LMAN1: variants seen among roughly 807,000 people sequenced by gnomAD.
The protein encoded by LMAN1 is lectin, mannose binding 1, also known as protein ERGIC-53.
A neutral mutation model predicts 67.8 loss-of-function variants in LMAN1; 32 were observed. The ratio of observed to expected loss-of-function variants is 0.47; its 90% CI spans 0.36 to 0.63. The LOEUF (loss-of-function observed/expected upper bound fraction) is 0.63, where lower values mean the gene tolerates loss of function less well. Ranked by LOEUF, LMAN1 falls within the 30% of genes least tolerant of loss-of-function variation. LMAN1 has a pLI of 0.00. For missense variants in LMAN1, 632 were observed against 628.2 expected, an observed-to-expected ratio of 1.01 and a Z score of -0.06; for synonymous variants, 235 against 219.3, an observed-to-expected ratio of 1.07 and a Z score of -0.63.
chr18:59,353,266 C>G lies in LMAN1; in HGVS notation c.575G>C (p.Arg192Thr). ...GASQALASCQ[R>T]DFRNKPYPVR... ...AGGATAGGGTTTGTTGCGGAAGTCC[C>G]TCTGGCAACTTGCCAAAGCTTGACT... The change falls in exon 5 of 13, where the codon AGG becomes ACG. Residue 192 changes from arginine to threonine, a missense_variant. Arg to Thr is a moderately conservative substitution (Grantham distance 71). Coordinates refer to ENST00000251047, the MANE Select transcript of LMAN1 (RefSeq NM_005570.4). 6.2e-7 allele frequency: 1 copy of G among 1,614,088 alleles called. No individual in the cohort carries two copies. Among genetic ancestry groups the G allele is most frequent in the Non-Finnish European group, 8.5e-7 (1 of 1,179,984 alleles).
Position 59,347,557 on chromosome 18 carries a change from G to A in LMAN1, c.778C>T (p.Leu260Phe). ...TGGLADDHDV[L>F]SFLTFQLTEP... is the part of the protein sequence containing the mutation. The stretch of plus-strand genomic sequence containing the variant: ...GTCAACTGGAAAGTCAGAAAAGAAA[G>A]GACATCATGGTCATCTACAAATTAA... The change falls in exon 7 of 13, where the codon CTT (leucine) becomes TTT (phenylalanine). Residue 260 changes from leucine (L) to phenylalanine (F), a missense_variant. Coordinates refer to ENST00000251047, the MANE Select transcript of LMAN1 (RefSeq NM_005570.4). 3 of 1,605,924 alleles carry A rather than the reference G, an allele frequency of 1.9e-6. No individual in the cohort carries two copies. The highest frequency in any genetic ancestry group is 1.7e-6 in the Non-Finnish European group (2 of 1,175,566).
Position 59,347,590 on chromosome 18 carries a change from A to T in LMAN1, c.764-19T>A. The T allele has an allele frequency of 6.6e-7, 1 of 1,508,066 alleles. No individual in the cohort carries two copies. Among genetic ancestry groups the T allele is most frequent in the East Asian group, 2.3e-5 (1 of 44,254 alleles). The allele number at this position is 1,508,066 out of a possible 1,614,324, so 93.4% of individuals were successfully genotyped here. On this transcript the variant is annotated intron_variant, in intron 6 of 12. Coordinates refer to ENST00000251047, the MANE Select transcript of LMAN1 (RefSeq NM_005570.4). Reference sequence around the variant, plus strand: ...TGGTCATCTACAAATTAAAAAAAAAAAAGTCTGAAAAAGTTCCATAGGAGA... The same window carrying T: ...TGGTCATCTACAAATTAAAAAAAAATAAGTCTGAAAAAGTTCCATAGGAGA...
At chr18:59,349,348 T>C in intron 5 of LMAN1, 112 bp from the exon 6 acceptor site, 1 of 986,206 alleles carries the variant, frequency 1.0e-6, no homozygotes, top group Non-Finnish European at 1.6e-6. Flanking sequence ...TAAAGAGTAA[T>C]TTTAAATAAC....
At chr18:59,344,316 T>A (rs1198675214) in intron 8 of LMAN1, among the ~76,000 whole-genome samples, 1 of 152,172 alleles carries the variant, frequency 6.6e-6, no homozygotes, top group Non-Finnish European at 1.5e-5. Context: ...AAAGAAATCA[T>A]TATATCAAAA....
intron 8 of LMAN1, among the ~76,000 whole-genome samples, chr18:59,344,980 T>C (rs1021077811): frequency 6.6e-6 from 1 of 152,206 alleles, no homozygotes. Flanking sequence ...AAATGTTCCG[T>C]GTACTGATCG....
At chr18:59,344,109 C>G (rs1225412474) in intron 8 of LMAN1, among the ~76,000 whole-genome samples, 1 of 152,070 alleles carries the variant, frequency 6.6e-6, no homozygotes, top group Non-Finnish European at 1.5e-5. Context: ...TTACACAAGT[C>G]ACAATGGCCA....
chr18:59,354,441 C>A, intron 4 of LMAN1, 78 bp downstream of exon 4: 2 of 821,648 alleles, frequency 2.4e-6, no homozygotes, highest in Admixed American at 1.9e-5. Context: ...GGAAGGTGTT[C>A]AGATTTGAAA....
At chr18:59,331,308 T>G in intron 12 of LMAN1, 110 bp downstream of exon 12, 1 of 1,231,236 alleles carries the variant, frequency 8.1e-7, no homozygotes, top group South Asian at 1.3e-5. Context: ...ACAATAAACT[T>G]AATTTTATAG....
intron 5 of LMAN1, among the ~76,000 whole-genome samples, chr18:59,352,329 G>A (rs1908561664): frequency 6.6e-6 from 1 of 152,150 alleles, no homozygotes; most frequent in South Asian, 2.1e-4. Flanking sequence ...CTCAACAACT[G>A]TGTTCACCCC....
Position 59,333,253 on chromosome 18 carries a change from G to T in LMAN1, c.1221-9C>A. ...TTTCACTCATGGAATTTCTGAAACA[G>T]AAAGTCTCTTGATACAATAAAATCA... On this transcript the variant is annotated splice_polypyrimidine_tract_variant and intron_variant, in intron 10 of 12. Coordinates refer to ENST00000251047, the MANE Select transcript of LMAN1 (RefSeq NM_005570.4). The T allele has an allele frequency of 6.2e-7, 1 of 1,611,142 alleles. No individual in the cohort carries two copies. Among genetic ancestry groups the T allele is most frequent in the Non-Finnish European group, 8.5e-7 (1 of 1,178,282 alleles).
At chr18:59,334,829 T>C (rs530158272) in intron 10 of LMAN1, among the ~76,000 whole-genome samples, 3 of 152,142 alleles carry the variant, frequency 2.0e-5, no homozygotes, top group South Asian at 2.1e-4. Flanking sequence ...GCAAATATTT[T>C]CTATCTCTTT....
intron 4 of LMAN1, among the ~76,000 whole-genome samples, chr18:59,354,040 G>A (rs1017825032): frequency 3.3e-5 from 5 of 152,026 alleles, no homozygotes; most frequent in East Asian, 3.9e-4. Flanking sequence ...CCACAGATAC[G>A]GAACCCACAA....
chr18:59,350,392 T>C (rs1908514040), intron 5 of LMAN1, among the ~76,000 whole-genome samples: 1 of 152,226 alleles, frequency 6.6e-6, no homozygotes, highest in Non-Finnish European at 1.5e-5. Flanking sequence ...TACATTCAAA[T>C]TACAATACTA....
rs1284839318 is a variant in LMAN1, at chr18:59,359,136, G to A, written c.109C>T (p.Pro37Ser). The A allele has an allele frequency of 1.9e-6, 3 of 1,613,974 alleles. No individual in the cohort carries two copies. In the African/African-American group the frequency reaches 4.0e-5, roughly 22 times the overall value. The change falls in exon 1 of 13, where the codon CCC (proline) becomes TCC (serine). Residue 37 changes from proline to serine, a missense_variant. Coordinates refer to ENST00000251047, the MANE Select transcript of LMAN1 (RefSeq NM_005570.4). Reference sequence around the variant, plus strand: ...CGGCGATGTGGCAACGCGACCGCGGGGTCTCCTCCCACGCCGTCGCCCCGG... The same window carrying A: ...CGGCGATGTGGCAACGCGACCGCGGAGTCTCCTCCCACGCCGTCGCCCCGG... Reference protein sequence around the residue: ...FVRGDGVGGDPAVALPHRRFE... With the variant: ...FVRGDGVGGDSAVALPHRRFE...
chr18:59,341,492 A>G (rs938169158), intron 8 of LMAN1, among the ~76,000 whole-genome samples: 3 of 152,212 alleles, frequency 2.0e-5, no homozygotes, highest in Admixed American at 1.3e-4. Flanking sequence ...AATCAGAATC[A>G]TATCAAGTGT....
At position 59,353,143 on chromosome 18, in the gene LMAN1, A is replaced by C. The variant is rs547678516; in HGVS notation, c.639+59T>G. ...CATTTAATTTCTATCAAAAATTCAA[A>C]ATGAAAAGTGATACTGTAACATTGT... On this transcript the variant is annotated intron_variant, in intron 5 of 12. Coordinates refer to ENST00000251047, the MANE Select transcript of LMAN1 (RefSeq NM_005570.4). The C allele has an allele frequency of 5.0e-6, 7 of 1,412,548 alleles. No homozygotes were observed. The South Asian group carries it at 6.9e-5, about 14-fold the overall frequency. 87.5% of individuals were successfully genotyped at this position (1,412,548 alleles called of 1,614,324 possible). A position where few individuals can be genotyped will look rare whatever the true frequency, so the allele number is the denominator to read the frequency against.
Position 59,359,168 on chromosome 18 carries a change from C to T in LMAN1, c.77G>A (p.Arg26His). ...TCCCACGCCGTCGCCCCGGACGAAG[C>T]GACCGAGTGACAGCAGCAAGGCGCA... ...LFCALLLSLG[R>H]FVRGDGVGGD... The change falls in exon 1 of 13, where the codon CGC (arginine) becomes CAC (histidine). Residue 26 changes from arginine to histidine, a missense_variant. Physicochemically the swap from Arg to His is conservative, Grantham distance 29. Transcript: ENST00000251047. 1 of 1,614,084 alleles carries T rather than the reference C, an allele frequency of 6.2e-7. No homozygotes were observed. The highest frequency in any genetic ancestry group is 1.1e-5 in the South Asian group (1 of 91,086).
chr18:59,338,704 T>G (rs1908218501), intron 9 of LMAN1, 56 bp downstream of exon 9: 1 of 1,607,718 alleles, frequency 6.2e-7, no homozygotes, highest in Non-Finnish European at 8.5e-7. Context: ...CCTTCTTCTT[T>G]ACTTCCCTTC....
chr18:59,331,700 T>C (rs2070748748), intron 11 of LMAN1, 161 bp from the exon 12 acceptor site: 1 of 724,492 alleles, frequency 1.4e-6, no homozygotes, highest in African/African-American at 1.8e-5. Flanking sequence ...CTGACAACTG[T>C]TTTTGAAGGA....
Sources: allele counts gnomAD v4.1 joint callset (sites outside exome capture counted in the v4.1 genomes callset), GRCh38; gene constraint gnomAD v4.1.1; transcripts MANE v1.5; gene names NCBI Gene and HGNC (gene_info 2026-07-23, HGNC 2026-07-21).